Variants in MORC2 observed in about 807,000 individuals in gnomAD.
MORC2 encodes MORC family CW-type zinc finger 2, also known as ATPase MORC2.
Under a neutral mutation model 136.0 loss-of-function variants are expected in MORC2, and 30 were observed. The ratio of observed to expected loss-of-function variants is 0.22; its 90% CI spans 0.17 to 0.30. MORC2 has a LOEUF of 0.30. Ranked by LOEUF, MORC2 falls within the 10% of genes least tolerant of loss-of-function variation. The pLI, the probability that MORC2 is intolerant of heterozygous loss-of-function variation, is 1.00. For missense variants in MORC2, 922 were observed against 1,333.1 expected, an observed-to-expected ratio of 0.69 and a Z score of 4.80; for synonymous variants, 439 against 487.0, an observed-to-expected ratio of 0.90 and a Z score of 1.30.
rs1681341428 is a variant in MORC2, at chr22:30,925,716, A to T, written c.*1087T>A. 6.5e-6 allele frequency: 1 copy of T among 153,694 alleles called. No individual in the cohort carries two copies. The allele number at this position is 153,694 out of a possible 1,614,324, so 9.5% of individuals were successfully genotyped here. On this transcript the variant is annotated 3_prime_UTR_variant, in exon 26 of 26. Coordinates refer to ENST00000397641, the MANE Select transcript of MORC2 (RefSeq NM_001303256.3). The stretch of plus-strand genomic sequence containing the variant: ...CTCTTCCAATGGCCATTAAAGAGAA[A>T]ATTCAGCAACGCTTGCCTTTGTCTT...
At chr22:30,965,757 G>C (rs1231540740) in intron 1 of MORC2, among the ~76,000 whole-genome samples, 1 of 152,178 alleles carries the variant, frequency 6.6e-6, no homozygotes, top group African/African-American at 2.4e-5. Flanking sequence ...ATAGCAAAGG[G>C]GGAAAAAGAA....
chr22:30,947,552 A>G (rs988059113), intron 5 of MORC2, among the ~76,000 whole-genome samples: 2 of 152,122 alleles, frequency 1.3e-5, no homozygotes, highest in African/African-American at 4.8e-5. Flanking sequence ...CAAGCACACA[A>G]ATGAATGTCA....
In MORC2 at chr22:30,932,105, C is replaced by T; in HGVS notation, c.2841+254G>A. 4.6e-6 allele frequency: 2 copies of T among 436,748 alleles called. No individual in the cohort carries two copies. The highest frequency in any genetic ancestry group is 8.3e-6 in the Non-Finnish European group (2 of 241,476). The allele number at this position is 436,748 out of a possible 1,614,324, so 27.1% of individuals were successfully genotyped here. ...CACCTGCTATCCCTAAGGGATGACTCAACTCCTAGCACCTGTGGTGGGAAG... is the reference window on the plus strand; with the variant it reads ...CACCTGCTATCCCTAAGGGATGACTTAACTCCTAGCACCTGTGGTGGGAAG... On this transcript the variant is annotated intron_variant, in intron 24 of 25. Transcript: ENST00000397641. This position sits in a 1 kb window ranked among gnomAD's most constrained non-coding sequence, Gnocchi z 4.4.
rs541114863 is a variant in MORC2 at position 30,942,162 on chromosome 22, C to T, written c.536G>A (p.Arg179His). 80 of 1,614,126 alleles carry T rather than the reference C, an allele frequency of 5.0e-5. No individual in the cohort carries two copies. Among genetic ancestry groups the T allele is most frequent in the Non-Finnish European group, 6.1e-5 (72 of 1,179,972 alleles). ...CTGGGTCATCACTTCCTCCTCAGTG[C>T]GGAATGGAGAGTACTTATAGATGAG... is the stretch of plus-strand genomic sequence containing the variant. Reference protein sequence around the residue: ...TELIYKYSPFRTEEEVMTQFM... With the variant: ...TELIYKYSPFHTEEEVMTQFM... Residue 179 changes from arginine (R) to histidine (H), a missense_variant, in exon 7 of 26, where the codon CGC becomes CAC. Physicochemically the swap from Arg to His is conservative, Grantham distance 29. Coordinates refer to ENST00000397641, the MANE Select transcript of MORC2 (RefSeq NM_001303256.3).
intron 6 of MORC2, among the ~76,000 whole-genome samples, chr22:30,945,129 C>T (rs749746624): frequency 8.5e-5 from 13 of 152,198 alleles, no homozygotes; most frequent in Non-Finnish European, 1.6e-4. Flanking sequence ...GACTTCCATA[C>T]CCTCCTGTCA....
chr22:30,943,856 G>A (rs928161748), intron 6 of MORC2, among the ~76,000 whole-genome samples: 1 of 152,054 alleles, frequency 6.6e-6, no homozygotes, highest in Admixed American at 6.6e-5. Flanking sequence ...TGCAACCTCC[G>A]CCTCCTGGGT....
intron 1 of MORC2, among the ~76,000 whole-genome samples, chr22:30,961,476 T>C (rs1050381386): frequency 6.6e-6 from 1 of 152,228 alleles, no homozygotes; most frequent in African/African-American, 2.4e-5. Flanking sequence ...AGTGAATTCA[T>C]TTTATATACC....
At chr22:30,954,721 G>A (rs1569201368) in intron 3 of MORC2, among the ~76,000 whole-genome samples, 1 of 152,178 alleles carries the variant, frequency 6.6e-6, no homozygotes, top group East Asian at 1.9e-4. Context: ...AAATGTAGTA[G>A]GAGACAGCAG....
Position 30,937,553 on chromosome 22 carries a change from G to T in MORC2, c.1498+30C>A. 1.2e-6 allele frequency: 2 copies of T among 1,606,348 alleles called. No individual in the cohort carries two copies. The highest frequency in any genetic ancestry group is 1.7e-6 in the Non-Finnish European group (2 of 1,177,290). On this transcript the variant is annotated intron_variant, in intron 15 of 25. Transcript: ENST00000397641. The surrounding 1 kb of genome is among the most constrained non-coding windows in gnomAD (Gnocchi z 4.7). ...AAGAGGCTTGTGGGCTGATGGAAAT[G>T]AGTCGGGGGGGTCCAACCACCCAAC...
rs979627051 is a variant in MORC2 at position 30,940,753 on chromosome 22, A to AT, written c.904+4dup. On this transcript the variant is annotated splice_donor_region_variant and intron_variant, in intron 10 of 25. Transcript: ENST00000397641. ...CCCCAACTCCTGCACCCAGAGTGGC[A>AT]TTACCAATCCTTGCTACGTGCTCTG... 1 of 1,613,814 alleles carries AT rather than the reference A, an allele frequency of 6.2e-7. No individual in the cohort carries two copies. Among genetic ancestry groups the AT allele is most frequent in the Admixed American group, 1.7e-5 (1 of 59,998 alleles).
chr22:30,952,228 T>G (rs978513998), intron 3 of MORC2, among the ~76,000 whole-genome samples: 3 of 152,150 alleles, frequency 2.0e-5, no homozygotes, highest in African/African-American at 7.2e-5. Context: ...GTACAGAGAA[T>G]GGTAAAAGCA....
At chr22:30,931,720 C>G (rs1240982472) in intron 24 of MORC2, among the ~76,000 whole-genome samples, 2 of 152,218 alleles carry the variant, frequency 1.3e-5, no homozygotes, top group African/African-American at 2.4e-5. Flanking sequence ...CAGGCCACCA[C>G]AGCCCTCCAT....
chr22:30,949,068 A>G (rs1054853621), intron 5 of MORC2, among the ~76,000 whole-genome samples: 1 of 152,218 alleles, frequency 6.6e-6, no homozygotes, highest in Non-Finnish European at 1.5e-5. Flanking sequence ...CCATTTGCAC[A>G]AACTCCAATT....
intron 1 of MORC2, among the ~76,000 whole-genome samples, chr22:30,959,989 CAG>C (rs2041019846): frequency 6.6e-6 from 1 of 152,156 alleles, no homozygotes. Context: ...GTTTTTGAGA[CAG>C]AGTTTCGCTC....
intron 3 of MORC2, among the ~76,000 whole-genome samples, chr22:30,955,209 C>G (rs911854326): frequency 6.6e-6 from 1 of 152,118 alleles, no homozygotes; most frequent in Non-Finnish European, 1.5e-5. Flanking sequence ...CCGCCTGCCT[C>G]GGCTTCCCAA....
chr22:30,937,826 T>A lies in MORC2; in HGVS notation c.1358A>T (p.Asp453Val), dbSNP rs2147256315. ...CCCAGCCCCATTACCGATGGCAATA[T>A]CCTTCCAATACTGCGCCAGGTGCTC... Reference protein sequence around the residue: ...MGEHLAQYWKDIAIAQRGIIK... With the variant: ...MGEHLAQYWKVIAIAQRGIIK... The change falls in exon 14 of 26, where the codon GAT becomes GTT. Residue 453 changes from aspartate (D) to valine (V), a missense_variant. Asp to Val is a radical substitution (Grantham distance 152). Transcript: ENST00000397641. The surrounding 1 kb of genome is among the most constrained non-coding windows in gnomAD (Gnocchi z 4.7). The A allele has an allele frequency of 6.2e-7, 1 of 1,614,066 alleles. No homozygotes were observed. Among genetic ancestry groups the A allele is most frequent in the Non-Finnish European group, 8.5e-7 (1 of 1,180,016 alleles).
At chr22:30,948,100 T>A (rs1410118799) in intron 5 of MORC2, among the ~76,000 whole-genome samples, 1 of 152,204 alleles carries the variant, frequency 6.6e-6, no homozygotes, top group Admixed American at 6.5e-5. Context: ...ACTTTCAGAG[T>A]CACATTTCAT....
chr22:30,950,435 C>G lies in MORC2; in HGVS notation c.168G>C (p.Glu56Asp), dbSNP rs1452151243. The G allele has an allele frequency of 1.2e-6, 2 of 1,608,776 alleles. No homozygotes were observed. The highest frequency in any genetic ancestry group is 1.7e-6 in the Non-Finnish European group (2 of 1,178,008). The change falls in exon 4 of 26, where the codon GAG becomes GAC. Residue 56 changes from glutamate (E) to aspartate (D), a missense_variant. Glu to Asp is a conservative substitution (Grantham distance 45). Transcript: ENST00000397641. ...TRIDIYAERR[E>D]DLRGGFMLCF... ...AAAGCATAAATCCTCCTCGAAGGTC[C>G]TCTCGTCTTTCTGTAAAAGAAGCAG... is the stretch of plus-strand genomic sequence containing the variant.
intron 4 of MORC2, 38 bp downstream of exon 4, chr22:30,950,339 A>AACACCC: frequency 1.9e-6 from 1 of 539,982 alleles, no homozygotes; most frequent in Middle Eastern, 2.9e-4. Context: ...GTTACATCGC[A>AACACCC]CCCCCCCACC....
Sources: gnomAD v4.1 joint callset for allele counts (sites outside exome capture counted in the v4.1 genomes callset) on GRCh38, gnomAD v4.1.1 for gene constraint, Gnocchi (gnomAD v3.1) non-coding constraint, MANE v1.5 for transcripts, NCBI Gene and HGNC (gene_info 2026-07-23, HGNC 2026-07-21) for gene names.